The following DMXL1 variants were observed in gnomAD, a reference collection of about 807,000 sequenced individuals.
DMXL1 encodes the protein Dmx like 1.
In DMXL1, 99 loss-of-function variants were observed where a neutral mutation model predicts 319.2. That is an observed-to-expected ratio of 0.31 (90% CI 0.26 to 0.37). DMXL1 has a LOEUF of 0.37. Ranked by LOEUF, DMXL1 falls within the 10% of genes least tolerant of loss-of-function variation. The probability of loss-of-function intolerance (pLI) is 1.00; values close to 1 mark genes in which losing one functional copy is unlikely to be tolerated. For synonymous variants in DMXL1, 1,385 were observed against 1,235.2 expected (o/e 1.12, Z -2.54); for missense variants, 3,745 against 3,595.6 (o/e 1.04, Z -1.06).
intron 18 of DMXL1, 32 bp from the exon 19 acceptor site, chr5:119,151,897 T>A (rs548558652): frequency 1.6e-5 from 23 of 1,479,412 alleles, no homozygotes; most frequent in Middle Eastern, 3.4e-4. Flanking sequence ...ATTTTTTTTT[T>A]AATACATTGC....
Position 119,150,330 on chromosome 5 carries a change from C to G in DMXL1, c.4503C>G (p.Leu1501=). 6.2e-7 allele frequency: 1 copy of G among 1,613,858 alleles called. No homozygotes were observed. The highest frequency in any genetic ancestry group is 1.1e-5 in the South Asian group (1 of 91,072). ...GHLLHSSLPG[L]SRMEQMSLMA... The stretch of plus-strand genomic sequence containing the variant: ...TACTTCATTCTAGTTTACCAGGACT[C>G]AGCCGGATGGAGCAGATGTCTTTGA... Residue 1501 remains leucine (L), a synonymous_variant, in exon 18 of 44, where the codon CTC becomes CTG. Coordinates refer to ENST00000539542, the MANE Select transcript of DMXL1 (RefSeq NM_001290321.3).
At chr5:119,146,405 T>C (rs1162133653) in intron 15 of DMXL1, among the ~76,000 whole-genome samples, 1 of 152,014 alleles carries the variant, frequency 6.6e-6, no homozygotes, top group Non-Finnish European at 1.5e-5. Flanking sequence ...TGTTTTATAA[T>C]GAAAACTTAT....
At chr5:119,075,929 CTAGT>C (rs1170348639) in intron 1 of DMXL1, among the ~76,000 whole-genome samples, 6 of 152,080 alleles carry the variant, frequency 3.9e-5, no homozygotes, top group East Asian at 3.9e-4. Flanking sequence ...AAAAAGAAGA[CTAGT>C]TAATTAGAAT....
chr5:119,239,035 G>C lies in DMXL1; in HGVS notation c.8606G>C (p.Ser2869Thr). ...NKTANDFVFV[S>T]SSSLIATAGL... ...ACAGCCAATGATTTTGTCTTCGTTAGTTCCTCCTCTCTGATAGCTACAGCT... is the reference window on the plus strand; with the variant it reads ...ACAGCCAATGATTTTGTCTTCGTTACTTCCTCCTCTCTGATAGCTACAGCT... The change falls in exon 41 of 44, where the codon AGT becomes ACT. Residue 2869 changes from serine to threonine, a missense_variant. Physicochemically the swap from Ser to Thr is moderately conservative, Grantham distance 58 (BLOSUM62 1). Coordinates refer to ENST00000539542, the MANE Select transcript of DMXL1 (RefSeq NM_001290321.3). 6.2e-7 allele frequency: 1 copy of C among 1,613,844 alleles called. No homozygotes were observed. Among genetic ancestry groups the C allele is most frequent in the Non-Finnish European group, 8.5e-7 (1 of 1,179,924 alleles).
chr5:119,186,532 T>C (rs534938752), intron 28 of DMXL1, among the ~76,000 whole-genome samples: 1 of 152,354 alleles, frequency 6.6e-6, no homozygotes, highest in Non-Finnish European at 1.5e-5. Flanking sequence ...ATTCAGAATA[T>C]TAATTTCATT....
rs201169279 is a variant in DMXL1 at position 119,133,169 on chromosome 5, C to T, written c.1353C>T (p.Pro451=). 4.5e-5 allele frequency: 73 copies of T among 1,614,030 alleles called. No homozygotes were observed. Among genetic ancestry groups the T allele is most frequent in the Admixed American group, 2.0e-4 (12 of 60,018 alleles). ...GTGTTGATGATCTGAAAATAAATCC[C>T]GAAAAGAAGGAATTAGGCTGTGATA... The part of the protein sequence containing the change: ...DDGVDDLKIN[P]EKKELGCDKM... Residue 451 remains proline (P), a synonymous_variant, in exon 11 of 44, where the codon CCC becomes CCT. Coordinates refer to ENST00000539542, the MANE Select transcript of DMXL1 (RefSeq NM_001290321.3).
chr5:119,082,789 G>A (rs538589736), intron 1 of DMXL1, among the ~76,000 whole-genome samples: 1 of 152,296 alleles, frequency 6.6e-6, no homozygotes, highest in Admixed American at 6.5e-5. Flanking sequence ...TTACAGTAGT[G>A]ATCTGTCCAA....
At chr5:119,122,170 C>G (rs1762262729) in intron 9 of DMXL1, among the ~76,000 whole-genome samples, 1 of 129,628 alleles carries the variant, frequency 7.7e-6, no homozygotes. Context: ...GACGGGGCGG[C>G]TGGCCGGGCA....
chr5:119,089,209 G>A (rs552520324), intron 1 of DMXL1, among the ~76,000 whole-genome samples: 2 of 135,682 alleles, frequency 1.5e-5, no homozygotes. Context: ...CCTGGCCTAT[G>A]TGGTTTCTCT....
chr5:119,244,670 T>C (rs1398669394), intron 43 of DMXL1, 94 bp downstream of exon 43: 2 of 826,378 alleles, frequency 2.4e-6, no homozygotes, highest in Non-Finnish European at 3.8e-6. Context: ...ATTTAAATAA[T>C]AGTTATATTA....
intron 1 of DMXL1, among the ~76,000 whole-genome samples, chr5:119,095,963 T>A (rs1291396359): frequency 6.6e-6 from 1 of 152,168 alleles, no homozygotes; most frequent in African/African-American, 2.4e-5. Flanking sequence ...CCCCTGTTGG[T>A]ACCATGGAAA....
At chr5:119,161,220 G>A (rs1376396703) in intron 19 of DMXL1, among the ~76,000 whole-genome samples, 1 of 152,198 alleles carries the variant, frequency 6.6e-6, no homozygotes, top group Non-Finnish European at 1.5e-5. Flanking sequence ...AGGTTCTGAG[G>A]TTGGATGTTG....
At chr5:119,154,797 A>G (rs1289852506) in intron 19 of DMXL1, 4 of 152,354 alleles carry the variant, frequency 2.6e-5, no homozygotes, top group Non-Finnish European at 5.9e-5. Context: ...AGAAGATGCC[A>G]TCTAGGACTT....
intron 39 of DMXL1, among the ~76,000 whole-genome samples, chr5:119,234,936 A>G (rs1166653271): frequency 1.3e-5 from 2 of 152,142 alleles, no homozygotes; most frequent in African/African-American, 2.4e-5. Flanking sequence ...TTTAACACTC[A>G]CTACAGCCTT....
At chr5:119,094,037 A>T (rs1412080229) in intron 1 of DMXL1, among the ~76,000 whole-genome samples, 2 of 152,246 alleles carry the variant, frequency 1.3e-5, no homozygotes, top group Non-Finnish European at 2.9e-5. Context: ...GTAAAGCAGC[A>T]AGCGCTGAGT....
chr5:119,087,451 A>T (rs978719127), intron 1 of DMXL1, among the ~76,000 whole-genome samples: 2 of 152,140 alleles, frequency 1.3e-5, no homozygotes, highest in Non-Finnish European at 2.9e-5. Context: ...ATTCAGGAGC[A>T]TATTTGTGAA....
chr5:119,242,304 C>T (rs1788972076), intron 42 of DMXL1, among the ~76,000 whole-genome samples: 1 of 152,182 alleles, frequency 6.6e-6, no homozygotes, highest in South Asian at 2.1e-4. Flanking sequence ...GTACTAAATT[C>T]AGTTGCTTTT....
intron 13 of DMXL1, among the ~76,000 whole-genome samples, chr5:119,139,166 T>C (rs1561694245): frequency 6.6e-6 from 1 of 151,624 alleles, no homozygotes; most frequent in African/African-American, 2.4e-5. Context: ...CACTACCACC[T>C]AATATAAAAA....
At chr5:119,076,047 A>G (rs576406128) in intron 1 of DMXL1, among the ~76,000 whole-genome samples, 11 of 152,178 alleles carry the variant, frequency 7.2e-5, no homozygotes, top group African/African-American at 2.6e-4. Flanking sequence ...TGTGATTTGA[A>G]TGATATGGAA....
Sources: allele counts gnomAD v4.1 joint callset (sites outside exome capture counted in the v4.1 genomes callset), GRCh38; gene constraint gnomAD v4.1.1; transcripts MANE v1.5; gene names NCBI Gene and HGNC (gene_info 2026-07-23, HGNC 2026-07-21).